The following CCNY variants were observed in gnomAD, a reference collection of about 807,000 sequenced individuals.
CCNY encodes the protein cyclin-Y.
A neutral mutation model predicts 42.8 loss-of-function variants in CCNY; 19 were observed. The observed-to-expected ratio is 0.44, with a 90% CI of 0.31 to 0.65. CCNY has a LOEUF of 0.65. Ranked by LOEUF, CCNY falls within the 30% of genes least tolerant of loss-of-function variation. CCNY has a pLI of 0.07. For missense variants in CCNY, 370 were observed against 437.3 expected, an observed-to-expected ratio of 0.85 and a Z score of 1.37; for synonymous variants, 165 against 162.7, an observed-to-expected ratio of 1.01 and a Z score of -0.11.
At chr10:35,364,207 C>T (rs978923626) in intron 1 of CCNY, among the ~76,000 whole-genome samples, 2 of 152,040 alleles carry the variant, frequency 1.3e-5, no homozygotes, top group African/African-American at 4.8e-5. Context: ...TCTCATTTCT[C>T]ACGTGACTTC....
intron 3 of CCNY, among the ~76,000 whole-genome samples, chr10:35,286,111 C>T (rs1835352336): frequency 6.6e-6 from 1 of 152,068 alleles, no homozygotes; most frequent in African/African-American, 2.4e-5. Flanking sequence ...CACGCCTGGC[C>T]TGGATTTAGG....
At chr10:35,287,474 T>C (rs940502461) in intron 3 of CCNY, among the ~76,000 whole-genome samples, 2 of 152,208 alleles carry the variant, frequency 1.3e-5, no homozygotes, top group Non-Finnish European at 2.9e-5. Context: ...AAAGTTCATG[T>C]ACTGTTTCAA....
At chr10:35,247,419 TA>T (rs1295473948) in intron 1 of CCNY, among the ~76,000 whole-genome samples, 1 of 151,502 alleles carries the variant, frequency 6.6e-6, no homozygotes, top group Admixed American at 6.6e-5. Context: ...ACCCTGTGTC[TA>T]CAAAAAGTTT....
At chr10:35,342,155 C>T (rs1167224719) in intron 1 of CCNY, among the ~76,000 whole-genome samples, 3 of 152,108 alleles carry the variant, frequency 2.0e-5, no homozygotes, top group South Asian at 2.1e-4. Context: ...AACTGCTTGC[C>T]GTTAGAAGAG....
intron 1 of CCNY, among the ~76,000 whole-genome samples, chr10:35,448,657 C>G (rs1187509720): frequency 6.6e-6 from 1 of 151,950 alleles, no homozygotes; most frequent in African/African-American, 2.4e-5. Context: ...GGGGAAGGAG[C>G]CTTCCCAGCA....
intron 1 of CCNY, among the ~76,000 whole-genome samples, chr10:35,418,342 C>T (rs1263440323): frequency 6.6e-6 from 1 of 152,058 alleles, no homozygotes; most frequent in Non-Finnish European, 1.5e-5. Context: ...GCTTGATCAC[C>T]ACACTTTCTC....
intron 3 of CCNY, among the ~76,000 whole-genome samples, chr10:35,504,729 C>T (rs895476151): frequency 2.1e-4 from 32 of 152,050 alleles, no homozygotes; most frequent in African/African-American, 6.0e-4. Flanking sequence ...CTCCCCAACC[C>T]GGGTTCAAAC....
upstream of CCNY, among the ~76,000 whole-genome samples, chr10:35,334,503 A>C (rs972994757): frequency 6.6e-6 from 1 of 151,276 alleles, no homozygotes; most frequent in African/African-American, 2.4e-5. Flanking sequence ...AATATGCCCC[A>C]GTTTTCCCAG....
intron 3 of CCNY, among the ~76,000 whole-genome samples, chr10:35,279,658 G>A (rs1440671490): frequency 6.6e-6 from 1 of 152,204 alleles, no homozygotes; most frequent in Non-Finnish European, 1.5e-5. Flanking sequence ...TCAAATGGAG[G>A]CACCTGGACT....
At chr10:35,390,661 T>C (rs1298219529) in intron 1 of CCNY, among the ~76,000 whole-genome samples, 2 of 152,254 alleles carry the variant, frequency 1.3e-5, no homozygotes, top group East Asian at 1.9e-4. Context: ...TCCCAGCCTA[T>C]GTGCAGGGCA....
chr10:35,487,326 A>G (rs918708631), intron 2 of CCNY, among the ~76,000 whole-genome samples: 8 of 151,986 alleles, frequency 5.3e-5, no homozygotes, highest in East Asian at 1.9e-4. Context: ...ACAGTAGTTT[A>G]GATTTGATTT....
At chr10:35,328,928 G>A (rs1016845638) in intron 3 of CCNY, among the ~76,000 whole-genome samples, 1 of 152,164 alleles carries the variant, frequency 6.6e-6, no homozygotes, top group Admixed American at 6.5e-5. Context: ...CCACTTCAGA[G>A]CTTACTTGGA....
At chr10:35,450,696 C>CT (rs112521052) in intron 1 of CCNY, among the ~76,000 whole-genome samples, 1,944 of 144,092 alleles carry the variant, frequency 0.013, 24 homozygotes, top group African/African-American at 0.039. Context: ...GGAGATTTTT[C>CT]TTTTTTTTTT....
upstream of CCNY, among the ~76,000 whole-genome samples, chr10:35,333,436 G>T (rs766921548): frequency 1.2e-4 from 18 of 152,174 alleles, no homozygotes; most frequent in Non-Finnish European, 2.4e-4. Flanking sequence ...TGAAAGATTA[G>T]TACTAGTCCT....
At chr10:35,381,666 C>T (rs878921170) in intron 1 of CCNY, among the ~76,000 whole-genome samples, 9 of 152,154 alleles carry the variant, frequency 5.9e-5, no homozygotes, top group Admixed American at 3.3e-4. Flanking sequence ...CAGCTGCTTG[C>T]ATTCATTTCC....
chr10:35,327,101 G>A (rs192219932), intron 3 of CCNY, among the ~76,000 whole-genome samples: 12 of 152,056 alleles, frequency 7.9e-5, no homozygotes, highest in Admixed American at 7.2e-4. Flanking sequence ...TATTTCGCTA[G>A]GCTATTCTTT....
chr10:35,419,065 C>T (rs936090489), intron 1 of CCNY, among the ~76,000 whole-genome samples: 10 of 152,096 alleles, frequency 6.6e-5, no homozygotes, highest in South Asian at 2.1e-4. Flanking sequence ...GTGATCAACC[C>T]GCCTCCCAAA....
intron 3 of CCNY, among the ~76,000 whole-genome samples, chr10:35,326,889 A>AAAAC (rs368209382): frequency 0.028 from 4,269 of 151,982 alleles, 167 homozygotes; most frequent in African/African-American, 0.095. Context: ...ACTGTCTCTT[A>AAAAC]AAACAAACAA....
intron 1 of CCNY, among the ~76,000 whole-genome samples, chr10:35,387,690 T>A (rs1373468834): frequency 6.6e-6 from 1 of 152,250 alleles, no homozygotes; most frequent in East Asian, 1.9e-4. Context: ...GTTTTCTAAG[T>A]GTATTTTATA....
Sources: allele counts gnomAD v4.1 joint callset (sites outside exome capture counted in the v4.1 genomes callset), GRCh38; gene constraint gnomAD v4.1.1; transcripts MANE v1.5; gene names NCBI Gene and HGNC (gene_info 2026-07-23, HGNC 2026-07-21).